GABRG3: variants seen among roughly 807,000 people sequenced by gnomAD.
The protein encoded by GABRG3 is gamma-aminobutyric acid receptor subunit gamma-3.
In GABRG3, 25 loss-of-function variants were observed where a neutral mutation model predicts 48.8. The observed-to-expected ratio is 0.51, with a 90% CI of 0.37 to 0.72. GABRG3 has a LOEUF of 0.72. GABRG3 is among the 30% of genes least tolerant of loss of function. GABRG3 has a pLI of 0.00. For missense variants in GABRG3, 394 were observed against 577.9 expected (o/e 0.68, Z 3.26); for synonymous variants, 227 against 217.6 (o/e 1.04, Z -0.38).
At chr15:27,515,194 G>A (rs931706709) in intron 6 of GABRG3, among the ~76,000 whole-genome samples, 1 of 151,990 alleles carries the variant, frequency 6.6e-6, no homozygotes, top group African/African-American at 2.4e-5. Context: ...CCAGGTTCAA[G>A]AGATTCTCCT....
chr15:27,331,429 G>C (rs1238782353), intron 5 of GABRG3, among the ~76,000 whole-genome samples: 1 of 152,102 alleles, frequency 6.6e-6, no homozygotes, highest in African/African-American at 2.4e-5. Context: ...AGGAGCTACC[G>C]AGCCATAAAG....
intron 3 of GABRG3, among the ~76,000 whole-genome samples, chr15:27,140,007 C>T (rs2140389031): frequency 6.6e-6 from 1 of 152,290 alleles, no homozygotes; most frequent in African/African-American, 2.4e-5. Context: ...TGAGCAGGGC[C>T]CCGGAGGCAG....
At chr15:27,032,772 C>G (rs1896107282) in intron 3 of GABRG3, among the ~76,000 whole-genome samples, 1 of 152,204 alleles carries the variant, frequency 6.6e-6, no homozygotes. Context: ...GATGAAACAT[C>G]TAAACCATAT....
At position 27,352,094 on chromosome 15, in the gene GABRG3, A is replaced by T. The variant is rs1300992686; in HGVS notation, c.574+23206A>T. 7.0e-6 allele frequency among the ~76,000 whole-genome samples: 1 copy of T among 142,258 alleles called. No homozygotes were observed. The highest frequency in any genetic ancestry group is 1.5e-5 in the Non-Finnish European group (1 of 65,096). 93.3% of individuals were successfully genotyped at this position (142,258 alleles called of 152,430 possible). A position where few individuals can be genotyped will look rare whatever the true frequency, so the allele number is the denominator to read the frequency against. ...GTGTGTGTATGGTGCATGTGTGTGT[A>T]TGATGTGTGTATGTATGGTGTGTGT... On this transcript the variant is annotated intron_variant, in intron 5 of 9. Transcript: ENST00000615808. The surrounding 1 kb of genome is among the most constrained non-coding windows in gnomAD (Gnocchi z 4.0).
intron 5 of GABRG3, among the ~76,000 whole-genome samples, chr15:27,466,439 G>C (rs1889613360): frequency 6.7e-6 from 1 of 150,208 alleles, no homozygotes; most frequent in Non-Finnish European, 1.5e-5. Context: ...CTACAGACAA[G>C]AAAATGATCC....
intron 3 of GABRG3, among the ~76,000 whole-genome samples, chr15:27,313,262 G>GTGTGTATA (rs1430430961): frequency 1.3e-3 from 46 of 34,538 alleles, no homozygotes; most frequent in Non-Finnish European, 2.0e-3. Flanking sequence ...GTGTGTGTGT[G>GTGTGTATA]TATATATATA....
intron 3 of GABRG3, among the ~76,000 whole-genome samples, chr15:27,038,636 C>A (rs77303300): frequency 1.3e-3 from 191 of 152,344 alleles, no homozygotes; most frequent in African/African-American, 4.3e-3. Flanking sequence ...ATCTTTCCCA[C>A]TTTGTGAATG....
chr15:27,174,454 A>G (rs1189287426), intron 3 of GABRG3, among the ~76,000 whole-genome samples: 2 of 152,132 alleles, frequency 1.3e-5, no homozygotes, highest in Non-Finnish European at 2.9e-5. Flanking sequence ...AGTTAGAACT[A>G]TTTGGTTCTC....
intron 3 of GABRG3, among the ~76,000 whole-genome samples, chr15:27,094,787 A>G (rs118180352): frequency 6.6e-6 from 1 of 152,356 alleles, no homozygotes; most frequent in East Asian, 1.9e-4. Flanking sequence ...GATTACAAAT[A>G]GATATTTATT....
intron 3 of GABRG3, among the ~76,000 whole-genome samples, chr15:27,316,808 AGTG>A (rs1354298624): frequency 6.6e-6 from 1 of 152,196 alleles, no homozygotes; most frequent in South Asian, 2.1e-4. Context: ...TATGTGAGAA[AGTG>A]GTGGATTTTG....
At chr15:27,351,167 A>T (rs1894564680) in intron 5 of GABRG3, among the ~76,000 whole-genome samples, 1 of 123,266 alleles carries the variant, frequency 8.1e-6, no homozygotes, top group African/African-American at 3.2e-5. Flanking sequence ...GCATGTGCGT[A>T]TGGTGTATTT....
intron 3 of GABRG3, among the ~76,000 whole-genome samples, chr15:27,063,085 A>G (rs1163711984): frequency 6.6e-6 from 1 of 152,222 alleles, no homozygotes; most frequent in Non-Finnish European, 1.5e-5. Flanking sequence ...AATGAGCTCA[A>G]AGGATGAAAT....
chr15:27,197,893 T>A (rs971287078), intron 3 of GABRG3, among the ~76,000 whole-genome samples: 1 of 152,200 alleles, frequency 6.6e-6, no homozygotes, highest in Non-Finnish European at 1.5e-5. Flanking sequence ...AGTTTATTTG[T>A]GTAGAAGTGT....
intron 5 of GABRG3, among the ~76,000 whole-genome samples, chr15:27,427,634 A>T (rs1408619143): frequency 6.6e-6 from 1 of 152,226 alleles, no homozygotes; most frequent in Non-Finnish European, 1.5e-5. Context: ...AATGTCATTT[A>T]CAAGATTTGG....
In GABRG3 at chr15:27,540,073, C is replaced by G. The variant is rs191514254; in HGVS notation, c.*7192C>G. ...ACTATAACGAAATCAGAACTTACAT[C>G]GTGGAAAAAGCGAAAAAGTTTCATT... On this transcript the variant is annotated 3_prime_UTR_variant, in exon 10 of 10. Coordinates refer to ENST00000615808, the MANE Select transcript of GABRG3 (RefSeq NM_033223.5). 1.8e-4 allele frequency: 27 copies of G among 152,278 alleles called. No individual in the cohort carries two copies. The East Asian group carries it at 3.1e-3, about 17-fold the overall frequency. The allele number at this position is 152,278 out of a possible 1,614,324, so 9.4% of individuals were successfully genotyped here. A position where few individuals can be genotyped will look rare whatever the true frequency, so the allele number is the denominator to read the frequency against.
At chr15:27,344,860 T>A (rs1350338973) in intron 5 of GABRG3, among the ~76,000 whole-genome samples, 1 of 152,166 alleles carries the variant, frequency 6.6e-6, no homozygotes, top group South Asian at 2.1e-4. Context: ...TTTTACCTCT[T>A]GTCTTTTAAT....
intron 3 of GABRG3, among the ~76,000 whole-genome samples, chr15:27,306,622 T>C (rs1167523292): frequency 1.0e-4 from 12 of 119,718 alleles, no homozygotes; most frequent in Admixed American, 3.5e-4. Context: ...TAAACATATA[T>C]AATATAAACA....
chr15:27,350,498 CG>C (rs1595695827), intron 5 of GABRG3: 1 of 253,376 alleles, frequency 3.9e-6, no homozygotes, highest in East Asian at 9.6e-5. Context: ...TCAGGGAGTT[CG>C]CAGTGCAGTT....
chr15:27,258,806 C>T (rs929518176), intron 3 of GABRG3, among the ~76,000 whole-genome samples: 1 of 152,020 alleles, frequency 6.6e-6, no homozygotes, highest in Non-Finnish European at 1.5e-5. Flanking sequence ...TATAGTTAAC[C>T]GTATTCACCC....
Sources: allele counts gnomAD v4.1 joint callset (sites outside exome capture counted in the v4.1 genomes callset), GRCh38; gene constraint gnomAD v4.1.1; non-coding constraint Gnocchi (gnomAD v3.1); transcripts MANE v1.5; gene names NCBI Gene and HGNC (gene_info 2026-07-23, HGNC 2026-07-21).